ABL1: variants seen among roughly 807,000 people sequenced by gnomAD.
The protein encoded by ABL1 is tyrosine-protein kinase ABL1.
ABL1 carries 11 observed loss-of-function variants against 94.7 expected under a neutral mutation model. That is an observed-to-expected ratio of 0.12 (90% confidence interval 0.07 to 0.19). The LOEUF is 0.19. Ranked by LOEUF, ABL1 falls within the 10% of genes least tolerant of loss-of-function variation. The probability of loss-of-function intolerance (pLI) is 1.00; values close to 1 mark genes in which losing one functional copy is unlikely to be tolerated. For missense variants in ABL1, 1,082 were observed against 1,489.4 expected (o/e 0.73, Z 4.50); for synonymous variants, 656 against 622.4 (o/e 1.05, Z -0.80).
intron 1 of ABL1, among the ~76,000 whole-genome samples, chr9:130,846,112 TGTG>T (rs1830767397): frequency 7.0e-6 from 1 of 142,402 alleles, no homozygotes; most frequent in African/African-American, 2.5e-5. Context: ...TGTGTGTGCT[TGTG>T]TGTGTGTGTG....
intron 1 of ABL1, among the ~76,000 whole-genome samples, chr9:130,760,957 T>C (rs1243287192): frequency 3.6e-5 from 5 of 139,422 alleles, no homozygotes; most frequent in Non-Finnish European, 7.8e-5. Context: ...TTTTTTTTTT[T>C]TTTTTTTTGA....
chr9:130,783,686 C>T (rs912911328), intron 1 of ABL1, among the ~76,000 whole-genome samples: 7 of 152,034 alleles, frequency 4.6e-5, no homozygotes, highest in East Asian at 1.9e-4. Flanking sequence ...GACAGAGTCT[C>T]GCTCTGTCGC....
At chr9:130,788,723 A>G (rs559071245) in intron 1 of ABL1, among the ~76,000 whole-genome samples, 2 of 152,306 alleles carry the variant, frequency 1.3e-5, no homozygotes, top group South Asian at 2.1e-4. Flanking sequence ...GTTATTGTAT[A>G]GAATGTTTTT....
At chr9:130,851,682 A>G (rs1358680263) in intron 1 of ABL1, among the ~76,000 whole-genome samples, 1 of 152,114 alleles carries the variant, frequency 6.6e-6, no homozygotes, top group Non-Finnish European at 1.5e-5. Flanking sequence ...AAGGAAAACT[A>G]AAACAATTTT....
At chr9:130,782,630 A>G (rs921344670) in intron 1 of ABL1, among the ~76,000 whole-genome samples, 4 of 152,224 alleles carry the variant, frequency 2.6e-5, no homozygotes, top group Admixed American at 2.0e-4. Flanking sequence ...CCCACCTCAT[A>G]GGATTAATGA....
chr9:130,827,724 A>G lies in ABL1; in HGVS notation c.137-26340A>G, dbSNP rs1432994456. Among the ~76,000 whole-genome samples, 3 of 151,882 alleles carry G rather than the reference A, an allele frequency of 2.0e-5. No individual in the cohort carries two copies. The East Asian group carries it at 5.8e-4, about 29-fold the overall frequency. On this transcript the variant is annotated intron_variant, in intron 1 of 10. Coordinates refer to the ABL1 transcript ENST00000372348. ...AGCTTGGCCAACATAGTGAAACCCCATCTCCACTAAAAATACAAAAATTAA... is the reference window on the plus strand; with the variant it reads ...AGCTTGGCCAACATAGTGAAACCCCGTCTCCACTAAAAATACAAAAATTAA...
chr9:130,808,181 G>C (rs567643686), intron 1 of ABL1, among the ~76,000 whole-genome samples: 1 of 149,402 alleles, frequency 6.7e-6, no homozygotes, highest in Admixed American at 6.7e-5. Flanking sequence ...ATGTTAACCC[G>C]GTATTGCTGT....
chr9:130,744,999 A>G (rs2132718070), intron 1 of ABL1, among the ~76,000 whole-genome samples: 1 of 152,148 alleles, frequency 6.6e-6, no homozygotes, highest in South Asian at 2.1e-4. Flanking sequence ...AATGTTTTTC[A>G]ACTGTTTGCT....
At chr9:130,728,230 A>ATTTTTTTTTTTTTTTTTTTTTTTTTTT (rs55915035) in intron 1 of ABL1, among the ~76,000 whole-genome samples, 1 of 102,574 alleles carries the variant, frequency 9.7e-6, no homozygotes, top group Non-Finnish European at 1.7e-5. Flanking sequence ...TGTCCAGCTG[A>ATTTTTTTTTTTTTTTTTTTTTTTTTTT]TTTTTTTTTT....
Position 130,802,370 on chromosome 9 carries a change from A to G in ABL1, c.137-51694A>G, listed in dbSNP as rs555069638. The stretch of plus-strand genomic sequence containing the variant: ...TGGTCTCCCAAAATGCTAGGATTAC[A>G]GGTGTCAGCCACTATGCCAGCCTTT... On this transcript the variant is annotated intron_variant, in intron 1 of 10. Coordinates refer to the ABL1 transcript ENST00000372348. Among the ~76,000 whole-genome samples the G allele has an allele frequency of 1.2e-4, 19 of 152,308 alleles. No homozygotes were observed. In the South Asian group the frequency reaches 3.5e-3, roughly 28 times the overall value.
At chr9:130,749,674 G>A (rs900385465) in intron 1 of ABL1, among the ~76,000 whole-genome samples, 2 of 152,166 alleles carry the variant, frequency 1.3e-5, no homozygotes, top group Admixed American at 6.5e-5. Context: ...AATGAGGCTG[G>A]TGATAGACTC....
At chr9:130,878,180 A>G (rs1831385015) in intron 7 of ABL1, among the ~76,000 whole-genome samples, 1 of 151,496 alleles carries the variant, frequency 6.6e-6, no homozygotes. Context: ...TGAATTCCTG[A>G]CCTCAAATAA....
intron 1 of ABL1, among the ~76,000 whole-genome samples, chr9:130,755,850 G>C (rs1832035405): frequency 6.6e-6 from 1 of 152,168 alleles, no homozygotes; most frequent in African/African-American, 2.4e-5. Context: ...TCTGCAGATG[G>C]CAGTTCTAGC....
In ABL1 at chr9:130,850,400, C is replaced by T. The variant is rs563191524; in HGVS notation, c.80-3664C>T. Among the ~76,000 whole-genome samples, 9 of 152,308 alleles carry T rather than the reference C, an allele frequency of 5.9e-5. No homozygotes were observed. In the East Asian group the frequency reaches 1.7e-3, roughly 29 times the overall value. The stretch of plus-strand genomic sequence containing the variant: ...AATGCGTAGTGAATGGCTCTAAGTT[C>T]TCCCTCCATCTGTAGGAAATTGAAG... On this transcript the variant is annotated intron_variant, in intron 1 of 10. Coordinates refer to ENST00000318560, the MANE Select transcript of ABL1 (RefSeq NM_005157.6).
chr9:130,742,685 C>T (rs76165700), intron 1 of ABL1, among the ~76,000 whole-genome samples: 1 of 152,008 alleles, frequency 6.6e-6, no homozygotes, highest in Admixed American at 6.6e-5. Context: ...TCTGGTGGTT[C>T]CCATTATATA....
intron 3 of ABL1, among the ~76,000 whole-genome samples, chr9:130,861,465 T>C (rs1412735930): frequency 1.3e-5 from 2 of 152,266 alleles, no homozygotes; most frequent in East Asian, 3.8e-4. Flanking sequence ...ATTTTTCTTA[T>C]TTACTATTAC....
intron 3 of ABL1, among the ~76,000 whole-genome samples, chr9:130,858,149 T>G (rs991890786): frequency 6.6e-6 from 1 of 151,602 alleles, no homozygotes; most frequent in Non-Finnish European, 1.5e-5. Context: ...TAGAGCTGTT[T>G]AATCAGCAAC....
At chr9:130,754,494 C>A (rs7046085) in intron 1 of ABL1, among the ~76,000 whole-genome samples, 1 of 131,508 alleles carries the variant, frequency 7.6e-6, no homozygotes. Flanking sequence ...GGCGACAGAG[C>A]GAGACTCCGT....
intron 1 of ABL1, among the ~76,000 whole-genome samples, chr9:130,754,956 A>G (rs1832024396): frequency 6.6e-6 from 1 of 152,150 alleles, no homozygotes; most frequent in African/African-American, 2.4e-5. Flanking sequence ...AAGGCAGGAA[A>G]GCATGTTTGG....
Sources: gnomAD v4.1 joint callset for allele counts (sites outside exome capture counted in the v4.1 genomes callset) on GRCh38, gnomAD v4.1.1 for gene constraint, MANE v1.5 for transcripts, NCBI Gene and HGNC (gene_info 2026-07-23, HGNC 2026-07-21) for gene names.